The following EIPR1 variants were observed in gnomAD, a reference collection of about 807,000 sequenced individuals.
EIPR1 encodes EARP and GARP complex-interacting protein 1.
In EIPR1, 25 loss-of-function variants were observed where a neutral mutation model predicts 48.1. That is an observed-to-expected ratio of 0.52 (90% CI 0.38 to 0.73). The LOEUF (loss-of-function observed/expected upper bound fraction) is 0.73. Ranked by LOEUF, EIPR1 falls within the 30% of genes least tolerant of loss-of-function variation. EIPR1 has a pLI of 0.00. For missense variants in EIPR1, 415 were observed against 506.2 expected, an observed-to-expected ratio of 0.82 and a Z score of 1.73; for synonymous variants, 204 against 201.9, an observed-to-expected ratio of 1.01 and a Z score of -0.09.
intron 3 of EIPR1, chr2:3,319,062 G>A (rs891634204): frequency 3.5e-5 from 15 of 429,980 alleles, no homozygotes; most frequent in African/African-American, 1.4e-4. Context: ...AAGGAGAAAA[G>A]TGTTTAAGAT....
At chr2:3,267,519 C>T (rs1370677621) in intron 3 of EIPR1, among the ~76,000 whole-genome samples, 2 of 152,246 alleles carry the variant, frequency 1.3e-5, no homozygotes, top group African/African-American at 2.4e-5. Flanking sequence ...ATTTCAGATA[C>T]GCTGTTGTCA....
chr2:3,268,483 G>A (rs1667560054), intron 3 of EIPR1, among the ~76,000 whole-genome samples: 1 of 152,164 alleles, frequency 6.6e-6, no homozygotes, highest in South Asian at 2.1e-4. Context: ...TCCTTCCTGG[G>A]CTGTTCTTGC....
chr2:3,231,761 C>A (rs898199056), intron 4 of EIPR1, among the ~76,000 whole-genome samples: 1 of 152,164 alleles, frequency 6.6e-6, no homozygotes, highest in African/African-American at 2.4e-5. Context: ...AGGACTTGCA[C>A]TTACTTTCAT....
At chr2:3,355,258 A>G (rs1227275884) in intron 1 of EIPR1, among the ~76,000 whole-genome samples, 1 of 152,158 alleles carries the variant, frequency 6.6e-6, no homozygotes, top group Non-Finnish European at 1.5e-5. Flanking sequence ...TCAGGGCACA[A>G]AAACCCAAGC....
Position 3,376,519 on chromosome 2 carries a change from C to T in EIPR1, c.42+1129G>A, listed in dbSNP as rs11891371. On this transcript the variant is annotated intron_variant, in intron 1 of 8. Transcript: ENST00000382125. ...CAGCCAGGCCAAGATGGTGAAACCC[C>T]GTATCTACTAAAAATACAAAAATTA... Among the ~76,000 whole-genome samples the T allele has an allele frequency of 4.8e-3, 723 of 152,128 alleles. 7 individuals are homozygous for T. The highest frequency in any genetic ancestry group is 0.017 in the African/African-American group (691 of 41,484).
rs1214904427 is a variant in EIPR1, at chr2:3,214,251, AAGAG to A, written c.417-7_417-4del. The stretch of plus-strand genomic sequence containing the variant: ...CTCCCATTGGCTCCCACACGACACT[AAGAG>A]AAAGAGAAGTACCAAATGTTAACAT... On this transcript the variant is annotated splice_polypyrimidine_tract_variant and splice_region_variant and intron_variant, in intron 4 of 8. Transcript: ENST00000382125. 6.2e-7 allele frequency: 1 copy of A among 1,612,454 alleles called. No homozygotes were observed. The highest frequency in any genetic ancestry group is 1.7e-5 in the Admixed American group (1 of 59,894).
rs1429606640 is a variant in EIPR1, at chr2:3,257,330, G to C, written c.385C>G (p.Leu129Val). The change falls in exon 4 of 9, where the codon CTT becomes GTT. Residue 129 changes from leucine to valine, a missense_variant. By Grantham distance (32) the Leu-to-Val change is conservative (BLOSUM62 1). Coordinates refer to ENST00000382125, the MANE Select transcript of EIPR1 (RefSeq NM_003310.5). ...ATGTTGCCATGGGCTGTGTTGTCAA[G>C]GTGACAGAGCAGCTCCAGGGTCTGT... is the stretch of plus-strand genomic sequence containing the variant. ...TAQTLELLCH[L>V]DNTAHGNMAC... is the part of the protein sequence containing the mutation. The C allele has an allele frequency of 1.2e-6, 2 of 1,614,000 alleles. No homozygotes were observed. Among genetic ancestry groups the C allele is most frequent in the African/African-American group, 2.7e-5 (2 of 74,924 alleles).
chr2:3,302,688 C>CA (rs1668797176), intron 3 of EIPR1, among the ~76,000 whole-genome samples: 1 of 152,252 alleles, frequency 6.6e-6, no homozygotes, highest in Admixed American at 6.5e-5. Flanking sequence ...TGCGGATCCA[C>CA]AGCCCTCCCT....
chr2:3,271,937 T>G (rs1411111894), intron 3 of EIPR1, among the ~76,000 whole-genome samples: 1 of 152,268 alleles, frequency 6.6e-6, no homozygotes, highest in Non-Finnish European at 1.5e-5. Context: ...TGTTGTTTAG[T>G]GTTCTGAAGT....
chr2:3,230,065 C>G (rs921812767), intron 4 of EIPR1, among the ~76,000 whole-genome samples: 14 of 152,280 alleles, frequency 9.2e-5, no homozygotes, highest in South Asian at 8.3e-4. Flanking sequence ...TTGTTTGCAT[C>G]TTCTTCAATT....
chr2:3,346,058 T>C (rs763727423), intron 2 of EIPR1, among the ~76,000 whole-genome samples: 3 of 152,198 alleles, frequency 2.0e-5, no homozygotes, highest in Admixed American at 6.5e-5. Context: ...TCTCCCAGCA[T>C]GTTTTGTTCA....
chr2:3,325,625 AT>A (rs2103331578), intron 3 of EIPR1, among the ~76,000 whole-genome samples: 2 of 152,276 alleles, frequency 1.3e-5, no homozygotes, highest in African/African-American at 4.8e-5. Flanking sequence ...GAGAAAGCAT[AT>A]CCTACTGTGA....
At chr2:3,265,315 A>G (rs1572373706) in intron 3 of EIPR1, among the ~76,000 whole-genome samples, 2 of 152,172 alleles carry the variant, frequency 1.3e-5, no homozygotes, top group Non-Finnish European at 2.9e-5. Context: ...CTACCTCCAG[A>G]AACTCCACAT....
chr2:3,230,220 G>A (rs1270971567), intron 4 of EIPR1, among the ~76,000 whole-genome samples: 1 of 152,060 alleles, frequency 6.6e-6, no homozygotes, highest in African/African-American at 2.4e-5. Flanking sequence ...TCAGTATATA[G>A]CAATGCAACG....
intron 4 of EIPR1, among the ~76,000 whole-genome samples, chr2:3,237,388 G>C (rs1237765340): frequency 1.3e-5 from 2 of 152,320 alleles, no homozygotes; most frequent in Non-Finnish European, 2.9e-5. Context: ...CAAGGAGAGA[G>C]AGAGACCACA....
intron 1 of EIPR1, 38 bp downstream of exon 1, chr2:3,377,610 C>G (rs113248572): frequency 1.6e-5 from 25 of 1,557,936 alleles, no homozygotes; most frequent in African/African-American, 9.5e-5. Flanking sequence ...TATCAACAGC[C>G]AGGCCGAGCA....
intron 4 of EIPR1, among the ~76,000 whole-genome samples, chr2:3,239,748 C>T (rs1666533996): frequency 6.6e-6 from 1 of 152,170 alleles, no homozygotes; most frequent in Admixed American, 6.5e-5. Flanking sequence ...ACGGTGCAGA[C>T]ACTCAGGGCA....
intron 2 of EIPR1, among the ~76,000 whole-genome samples, chr2:3,338,492 G>A (rs1479635115): frequency 6.6e-6 from 1 of 152,168 alleles, no homozygotes; most frequent in Non-Finnish European, 1.5e-5. Context: ...AGCTGCCCAG[G>A]GCTGTCCATA....
intron 4 of EIPR1, among the ~76,000 whole-genome samples, chr2:3,227,513 A>C (rs1666101842): frequency 1.3e-5 from 2 of 152,234 alleles, no homozygotes; most frequent in African/African-American, 2.4e-5. Flanking sequence ...GAAAATTTGC[A>C]GCCTGACTAT....
Sources: gnomAD v4.1 joint callset for allele counts (sites outside exome capture counted in the v4.1 genomes callset) on GRCh38, gnomAD v4.1.1 for gene constraint, MANE v1.5 for transcripts, NCBI Gene and HGNC (gene_info 2026-07-23, HGNC 2026-07-21) for gene names.